The following ITGA1 variants were observed in gnomAD, a reference collection of about 807,000 sequenced individuals.
ITGA1 encodes integrin alpha-1.
A neutral mutation model predicts 145.9 loss-of-function variants in ITGA1; 85 were observed. That is an observed-to-expected ratio of 0.58 (90% CI 0.49 to 0.70). The LOEUF (loss-of-function observed/expected upper bound fraction) is 0.70, where lower values mean the gene tolerates loss of function less well. Among genes scored for constraint, ITGA1 ranks in the 30% least tolerant of loss-of-function variants. The probability of loss-of-function intolerance (pLI) is 0.00; values close to 1 mark genes in which losing one functional copy is unlikely to be tolerated. For synonymous variants in ITGA1, 520 were observed against 495.3 expected (o/e 1.05, Z -0.66); for missense variants, 1,351 against 1,418.7 (o/e 0.95, Z 0.77).
At chr5:52,906,332 G>A (rs752727378) in intron 12 of ITGA1, among the ~76,000 whole-genome samples, 4 of 152,134 alleles carry the variant, frequency 2.6e-5, no homozygotes, top group South Asian at 2.1e-4. Context: ...GAAAGAGAAA[G>A]TTAAAAAGAT....
At chr5:52,951,256 T>C (rs1179582316) in intron 28 of ITGA1, among the ~76,000 whole-genome samples, 1 of 152,232 alleles carries the variant, frequency 6.6e-6, no homozygotes, top group Non-Finnish European at 1.5e-5. Context: ...TCATTGCCTT[T>C]GCTCGATCTA....
At chr5:52,908,272 A>C (rs1220420491) in intron 12 of ITGA1, among the ~76,000 whole-genome samples, 2 of 152,214 alleles carry the variant, frequency 1.3e-5, no homozygotes, top group African/African-American at 2.4e-5. Context: ...TATTTGAAAA[A>C]ATTAAGCATT....
intron 18 of ITGA1, among the ~76,000 whole-genome samples, chr5:52,924,315 C>A (rs1458370385): frequency 6.6e-6 from 1 of 152,156 alleles, no homozygotes; most frequent in African/African-American, 2.4e-5. Context: ...GTCAGGACAG[C>A]CCTCCTGAAG....
intron 6 of ITGA1, among the ~76,000 whole-genome samples, chr5:52,880,015 A>T (rs1242629187): frequency 6.6e-6 from 1 of 152,242 alleles, no homozygotes; most frequent in African/African-American, 2.4e-5. Context: ...ATATACTCTA[A>T]CATATCTCAG....
intron 1 of ITGA1, among the ~76,000 whole-genome samples, chr5:52,832,051 T>C (rs1749079705): frequency 6.6e-6 from 1 of 152,124 alleles, no homozygotes; most frequent in African/African-American, 2.4e-5. Context: ...TGGGGGCTCA[T>C]TACTGGACTA....
chr5:52,853,702 A>G (rs1211841600), intron 2 of ITGA1, among the ~76,000 whole-genome samples: 2 of 152,198 alleles, frequency 1.3e-5, no homozygotes, highest in East Asian at 1.9e-4. Context: ...TTTTGCTCAG[A>G]AGCCACATGC....
At chr5:52,903,183 C>T (rs1204810546) in intron 11 of ITGA1, 2 of 151,892 alleles carry the variant, frequency 1.3e-5, no homozygotes, top group African/African-American at 4.8e-5. Context: ...GGCCTTTTAT[C>T]AAGTTACATT....
At chr5:52,942,663 T>TG (rs1231963874) in intron 26 of ITGA1, among the ~76,000 whole-genome samples, 1 of 151,592 alleles carries the variant, frequency 6.6e-6, no homozygotes, top group Non-Finnish European at 1.5e-5. Flanking sequence ...CCTGAGCAGC[T>TG]GGGACTACAG....
At chr5:52,803,868 A>T (rs1489983662) in intron 1 of ITGA1, 1 of 152,210 alleles carries the variant, frequency 6.6e-6, no homozygotes, top group African/African-American at 2.4e-5. Context: ...GCAATAGGTT[A>T]TTCTTCCTGT....
chr5:52,814,651 T>C (rs1748736393), intron 1 of ITGA1, among the ~76,000 whole-genome samples: 1 of 152,116 alleles, frequency 6.6e-6, no homozygotes, highest in African/African-American at 2.4e-5. Flanking sequence ...TTCAGTTTGC[T>C]CATAAGCTCC....
At chr5:52,907,004 G>A (rs950641038) in intron 12 of ITGA1, among the ~76,000 whole-genome samples, 1 of 152,174 alleles carries the variant, frequency 6.6e-6, no homozygotes, top group Non-Finnish European at 1.5e-5. Flanking sequence ...TGCACTCTGG[G>A]AAGTCAAAAA....
intron 2 of ITGA1, among the ~76,000 whole-genome samples, chr5:52,854,778 T>G (rs1392560079): frequency 6.6e-6 from 1 of 152,148 alleles, no homozygotes; most frequent in Non-Finnish European, 1.5e-5. Context: ...ACAAGATAAC[T>G]ATTGTGAATA....
rs1484863468 is a variant in ITGA1, at chr5:52,954,273, C to T, written c.*1822C>T. On this transcript the variant is annotated 3_prime_UTR_variant, in exon 29 of 29. Coordinates refer to ENST00000282588, the MANE Select transcript of ITGA1 (RefSeq NM_181501.2). ...TTATTCAGAGTTACCATGTTGCACA[C>T]CCCCAGTGCTCAGCCTGCCCAGAAG... 6.6e-6 allele frequency: 1 copy of T among 152,170 alleles called. No individual in the cohort carries two copies. Among genetic ancestry groups the T allele is most frequent in the Non-Finnish European group, 1.5e-5 (1 of 68,044 alleles). 9.4% of individuals were successfully genotyped at this position (152,170 alleles called of 1,614,324 possible). A position where few individuals can be genotyped will look rare whatever the true frequency, so the allele number is the denominator to read the frequency against.
rs1363014362 is a variant in ITGA1 at position 52,904,942 on chromosome 5, G to A, written c.1310-821G>A. 4.0e-5 allele frequency: 6 copies of A among 151,514 alleles called. No homozygotes were observed. In the East Asian group the frequency reaches 1.2e-3, roughly 29 times the overall value. 9.4% of individuals were successfully genotyped at this position (151,514 alleles called of 1,614,324 possible). The stretch of plus-strand genomic sequence containing the variant: ...AAAGTCACATTAAAATCACAGAAAG[G>A]TACTGTTGTTAGACAATGTTTAACA... On this transcript the variant is annotated intron_variant, in intron 11 of 28. Coordinates refer to ENST00000282588, the MANE Select transcript of ITGA1 (RefSeq NM_181501.2).
chr5:52,911,151 A>G (rs1177624191), intron 14 of ITGA1, among the ~76,000 whole-genome samples: 2 of 137,096 alleles, frequency 1.5e-5, no homozygotes, highest in East Asian at 2.1e-4. Context: ...TATATAGTGT[A>G]TATATAGTGT....
chr5:52,822,369 A>G (rs1748892126), intron 1 of ITGA1, among the ~76,000 whole-genome samples: 1 of 152,226 alleles, frequency 6.6e-6, no homozygotes, highest in Admixed American at 6.5e-5. Flanking sequence ...GGGGATACAA[A>G]GATAATTAAA....
intron 10 of ITGA1, 100 bp from the exon 11 acceptor site, chr5:52,898,139 G>C (rs1750258386): frequency 1.5e-6 from 1 of 659,586 alleles, no homozygotes; most frequent in African/African-American, 1.9e-5. Context: ...CAAATGTAAA[G>C]CACTTTGAAC....
chr5:52,796,265 G>C (rs922524159), intron 1 of ITGA1, among the ~76,000 whole-genome samples: 18 of 151,760 alleles, frequency 1.2e-4, no homozygotes, highest in Non-Finnish European at 2.7e-4. Flanking sequence ...TGAGACACTG[G>C]AAGTGTCTCA....
At chr5:52,864,658 T>C in intron 3 of ITGA1, 105 bp from the exon 4 acceptor site, 1 of 667,248 alleles carries the variant, frequency 1.5e-6, no homozygotes, top group Non-Finnish European at 2.6e-6. Context: ...AAAAGAAGAA[T>C]GTGCTATGAT....
Sources: allele counts gnomAD v4.1 joint callset (sites outside exome capture counted in the v4.1 genomes callset), GRCh38; gene constraint gnomAD v4.1.1; transcripts MANE v1.5; gene names NCBI Gene and HGNC (gene_info 2026-07-23, HGNC 2026-07-21).